Variants in MRPS27 observed in about 807,000 individuals in gnomAD.
MRPS27 encodes mitochondrial ribosomal protein S27.
MRPS27 carries 43 observed loss-of-function variants against 48.9 expected under a neutral mutation model. That is an observed-to-expected ratio of 0.88 (90% confidence interval 0.69 to 1.13). MRPS27 has a LOEUF of 1.13. Among genes scored for constraint, MRPS27 ranks in the 50% most tolerant of loss-of-function variants. The pLI, the probability that MRPS27 is intolerant of heterozygous loss-of-function variation, is 0.00. For missense variants in MRPS27, 467 were observed against 476.3 expected (o/e 0.98, Z 0.18); for synonymous variants, 188 against 171.9 (o/e 1.09, Z -0.73).
At chr5:72,221,559 C>A (rs551869490) in intron 10 of MRPS27, among the ~76,000 whole-genome samples, 1 of 152,260 alleles carries the variant, frequency 6.6e-6, no homozygotes, top group East Asian at 1.9e-4. Context: ...ATGTTTCCAC[C>A]CTGACCTAAC....
chr5:72,295,545 C>T lies in MRPS27; in HGVS notation c.267G>A (p.Glu89=), dbSNP rs1467781598. The change falls in exon 4 of 11, where the codon GAG becomes GAA. Residue 89 remains glutamate, a synonymous_variant. Coordinates refer to ENST00000261413, the MANE Select transcript of MRPS27 (RefSeq NM_015084.3). Reference sequence around the variant, plus strand: ...GGAAAACTTACTTGTAAAGGTAATACTCTGCATGATCTATCTCTTCCCGAG... The same window carrying T: ...GGAAAACTTACTTGTAAAGGTAATATTCTGCATGATCTATCTCTTCCCGAG... ...ISSREEIDHA[E]YYLYKFRHSP... is the part of the protein sequence containing the mutation. 7 of 1,610,106 alleles carry T rather than the reference C, an allele frequency of 4.3e-6. No individual in the cohort carries two copies. The highest frequency in any genetic ancestry group is 2.2e-5 in the South Asian group (2 of 90,934).
chr5:72,320,180 C>G lies in MRPS27; in HGVS notation c.42G>C (p.Arg14=), dbSNP rs1750718193. The change falls in exon 1 of 11, where the codon CGG becomes CGC. Residue 14 remains arginine (R), a synonymous_variant. Coordinates refer to ENST00000261413, the MANE Select transcript of MRPS27 (RefSeq NM_015084.3). ...GAGAGAGCTGAGGAAGAACCACTTG[C>G]CGCGCCAGGAGCATCCCGCGCCGCA... is the stretch of plus-strand genomic sequence containing the variant. The part of the protein sequence containing the change: ...SIVRRGMLLA[R]QVVLPQLSPA... 6.2e-7 allele frequency: 1 copy of G among 1,614,002 alleles called. No homozygotes were observed. Among genetic ancestry groups the G allele is most frequent in the Non-Finnish European group, 8.5e-7 (1 of 1,179,900 alleles).
intron 2 of MRPS27, among the ~76,000 whole-genome samples, chr5:72,310,321 T>C (rs2112086262): frequency 6.6e-6 from 1 of 152,060 alleles, no homozygotes; most frequent in Non-Finnish European, 1.5e-5. Context: ...GGAGAAATGG[T>C]TGATTCCAGG....
Position 72,228,294 on chromosome 5 carries a change from A to G in MRPS27, c.666T>C (p.Ser222=). The G allele has an allele frequency of 2.5e-6, 4 of 1,613,660 alleles. No individual in the cohort carries two copies. The East Asian group carries it at 6.7e-5, about 27-fold the overall frequency. Residue 222 remains serine, a synonymous_variant, in exon 8 of 11, where the codon AGT becomes AGC. Coordinates refer to ENST00000261413, the MANE Select transcript of MRPS27 (RefSeq NM_015084.3). ...GAAGTGCATAGCCATACAACTGGGA[A>G]CTGAAACCCACTGAGTTCTTTTGTT... ...GLKQKNSVGF[S]SQLYGYALLG...
intron 8 of MRPS27, chr5:72,227,863 C>T (rs144357545): frequency 8.6e-4 from 181 of 211,196 alleles, no homozygotes; most frequent in Middle Eastern, 8.2e-3. Context: ...ACCAAAGATA[C>T]AAGTTCAACT....
intron 4 of MRPS27, among the ~76,000 whole-genome samples, chr5:72,257,114 C>T (rs1019925847): frequency 6.6e-6 from 1 of 152,154 alleles, no homozygotes; most frequent in Non-Finnish European, 1.5e-5. Context: ...TGATTCTCCA[C>T]CCTCCACCCA....
At chr5:72,261,131 G>A (rs1748956942) in intron 4 of MRPS27, among the ~76,000 whole-genome samples, 1 of 152,168 alleles carries the variant, frequency 6.6e-6, no homozygotes, top group Non-Finnish European at 1.5e-5. Context: ...CCAAAGTGCT[G>A]GGATTACAGG....
intron 1 of MRPS27, among the ~76,000 whole-genome samples, chr5:72,315,451 G>A (rs1292558548): frequency 2.0e-5 from 3 of 151,876 alleles, no homozygotes; most frequent in Non-Finnish European, 4.4e-5. Flanking sequence ...CAACTACTCA[G>A]GAGGCTGAGG....
rs1750330497 is a variant in MRPS27 at position 72,308,201 on chromosome 5, A to G, written c.151+5880T>C. Among the ~76,000 whole-genome samples the G allele has an allele frequency of 2.0e-5, 3 of 152,296 alleles. No individual in the cohort carries two copies. In the South Asian group the frequency reaches 6.2e-4, roughly 32 times the overall value. ...CCCTCCCCGAGGAGCTCTCTGGCAC[A>G]ATCAGCCACGAGGACGAAGAGAGGG... On this transcript the variant is annotated intron_variant, in intron 2 of 10. Coordinates refer to ENST00000261413, the MANE Select transcript of MRPS27 (RefSeq NM_015084.3).
chr5:72,255,577 T>C (rs1199603779), intron 4 of MRPS27, among the ~76,000 whole-genome samples: 1 of 152,174 alleles, frequency 6.6e-6, no homozygotes, highest in Non-Finnish European at 1.5e-5. Flanking sequence ...AATAATAAAA[T>C]AAGCACTTCA....
intron 2 of MRPS27, among the ~76,000 whole-genome samples, chr5:72,309,268 A>G (rs1750370709): frequency 6.6e-6 from 1 of 151,246 alleles, no homozygotes; most frequent in Non-Finnish European, 1.5e-5. Flanking sequence ...TACTCATTGC[A>G]GACTTTTTTT....
intron 3 of MRPS27, 40 bp from the exon 4 acceptor site, chr5:72,295,629 T>C: frequency 5.3e-6 from 8 of 1,503,942 alleles, no homozygotes; most frequent in Non-Finnish European, 7.4e-6. Flanking sequence ...GAATATAAAT[T>C]ATGTCATATA....
At chr5:72,258,322 T>C (rs904265884) in intron 4 of MRPS27, among the ~76,000 whole-genome samples, 4 of 152,122 alleles carry the variant, frequency 2.6e-5, no homozygotes, top group Non-Finnish European at 5.9e-5. Flanking sequence ...CTGATTTTTG[T>C]TTTTAGAGGC....
chr5:72,230,753 T>C (rs886783956), intron 7 of MRPS27, among the ~76,000 whole-genome samples: 1 of 152,166 alleles, frequency 6.6e-6, no homozygotes, highest in African/African-American at 2.4e-5. Flanking sequence ...ACATTAATGA[T>C]TTTTCTCATA....
At chr5:72,285,485 T>C (rs567742899) in intron 4 of MRPS27, among the ~76,000 whole-genome samples, 2 of 152,342 alleles carry the variant, frequency 1.3e-5, no homozygotes, top group East Asian at 1.9e-4. Flanking sequence ...ACGTATCTAA[T>C]GATCTTCAAC....
At chr5:72,320,104 C>A in intron 1 of MRPS27, 45 bp downstream of exon 1, 3 of 1,593,848 alleles carry the variant, frequency 1.9e-6, no homozygotes, top group Middle Eastern at 3.3e-4. Context: ...TCCCTTCACC[C>A]AAAAAACAGA....
intron 8 of MRPS27, among the ~76,000 whole-genome samples, chr5:72,226,418 T>G (rs1380846662): frequency 6.6e-6 from 1 of 152,144 alleles, no homozygotes; most frequent in Non-Finnish European, 1.5e-5. Context: ...TAATGCAAAA[T>G]TACATGAACT....
In MRPS27 at chr5:72,234,006, G is replaced by A. The variant is rs1302060137; in HGVS notation, c.475+113C>T. The stretch of plus-strand genomic sequence containing the variant: ...ATCATCAAAACTTTTCTGACTAAAC[G>A]AGTAATGAAGAGATGTTATTAAGAA... On this transcript the variant is annotated intron_variant, in intron 6 of 10. Coordinates refer to ENST00000261413, the MANE Select transcript of MRPS27 (RefSeq NM_015084.3). 11 of 1,144,322 alleles carry A rather than the reference G, an allele frequency of 9.6e-6. No individual in the cohort carries two copies. In the Admixed American group the frequency reaches 1.7e-4, roughly 18 times the overall value. 70.9% of individuals were successfully genotyped at this position (1,144,322 alleles called of 1,614,324 possible). A position where few individuals can be genotyped will look rare whatever the true frequency, so the allele number is the denominator to read the frequency against.
chr5:72,310,830 GAC>G (rs1246207550), intron 2 of MRPS27, among the ~76,000 whole-genome samples: 2 of 152,166 alleles, frequency 1.3e-5, no homozygotes, highest in African/African-American at 4.8e-5. Flanking sequence ...GGAGAAATCA[GAC>G]ACAGTTGACT....
Sources: allele counts gnomAD v4.1 joint callset (sites outside exome capture counted in the v4.1 genomes callset), GRCh38; gene constraint gnomAD v4.1.1; transcripts MANE v1.5; gene names NCBI Gene and HGNC (gene_info 2026-07-23, HGNC 2026-07-21).